Variants in TMCC1 observed in about 807,000 individuals in gnomAD.
TMCC1 encodes the protein transmembrane and coiled-coil domain family 1.
TMCC1 carries 15 observed loss-of-function variants against 52.4 expected under a neutral mutation model. That is an observed-to-expected ratio of 0.29 (90% CI 0.19 to 0.44). The LOEUF (loss-of-function observed/expected upper bound fraction) is 0.44, where lower values mean the gene tolerates loss of function less well. Among genes scored for constraint, TMCC1 ranks in the 20% least tolerant of loss-of-function variants. The probability of loss-of-function intolerance (pLI) is 1.00; values close to 1 mark genes in which losing one functional copy is unlikely to be tolerated. For missense variants in TMCC1, 503 were observed against 806.0 expected, an observed-to-expected ratio of 0.62 and a Z score of 4.55; for synonymous variants, 279 against 301.9, an observed-to-expected ratio of 0.92 and a Z score of 0.79.
chr3:129,881,788 GA>G (rs1259902402), intron 1 of TMCC1, among the ~76,000 whole-genome samples: 1 of 152,128 alleles, frequency 6.6e-6, no homozygotes, highest in Non-Finnish European at 1.5e-5. Flanking sequence ...TGAATGTAAA[GA>G]CACAGAAATA....
intron 4 of TMCC1, among the ~76,000 whole-genome samples, chr3:129,711,171 A>AT (rs1390565040): frequency 1.3e-5 from 2 of 152,112 alleles, no homozygotes; most frequent in African/African-American, 4.8e-5. Context: ...GCCATGTTCA[A>AT]TTTTATATCC....
At chr3:129,774,114 C>T (rs758821472) in intron 4 of TMCC1, among the ~76,000 whole-genome samples, 1 of 152,072 alleles carries the variant, frequency 6.6e-6, no homozygotes, top group Non-Finnish European at 1.5e-5. Flanking sequence ...ACCAGGGCTC[C>T]TTGGAGAAAT....
intron 4 of TMCC1, among the ~76,000 whole-genome samples, chr3:129,712,225 CAAAT>C (rs1157318772): frequency 6.6e-6 from 1 of 151,996 alleles, no homozygotes; most frequent in Non-Finnish European, 1.5e-5. Context: ...CATTTGAAAA[CAAAT>C]AATCACTCTA....
At chr3:129,669,476 C>T (rs1222202470) in intron 5 of TMCC1, among the ~76,000 whole-genome samples, 2 of 151,672 alleles carry the variant, frequency 1.3e-5, no homozygotes, top group Admixed American at 6.6e-5. Context: ...CTCTTGTTGC[C>T]GAGGCTGGAA....
chr3:129,877,857 T>C (rs1245488644), intron 2 of TMCC1, among the ~76,000 whole-genome samples: 1 of 151,538 alleles, frequency 6.6e-6, no homozygotes, highest in Non-Finnish European at 1.5e-5. Flanking sequence ...CTTGATCTCC[T>C]GATCTCCTGA....
chr3:129,786,920 C>G (rs1321021072), intron 4 of TMCC1, among the ~76,000 whole-genome samples: 4 of 152,156 alleles, frequency 2.6e-5, no homozygotes, highest in Admixed American at 1.3e-4. Context: ...TCTTGCTATT[C>G]TCAAATCGGA....
intron 4 of TMCC1, among the ~76,000 whole-genome samples, chr3:129,715,573 T>C (rs981063371): frequency 6.6e-6 from 1 of 152,162 alleles, no homozygotes; most frequent in African/African-American, 2.4e-5. Context: ...CTCTATCTGC[T>C]CTGTGCTTGA....
intron 4 of TMCC1, among the ~76,000 whole-genome samples, chr3:129,709,946 G>C (rs569505175): frequency 5.9e-5 from 9 of 152,054 alleles, no homozygotes; most frequent in African/African-American, 1.2e-4. Flanking sequence ...CAGCACTTTG[G>C]GGGGCTGAGG....
At position 129,670,616 on chromosome 3, in the gene TMCC1, A is replaced by C. The variant is rs749866437; in HGVS notation, c.1225T>G (p.Ser409Ala). The change falls in exon 5 of 7, where the codon TCA becomes GCA. Residue 409 changes from serine (S) to alanine (A), a missense_variant. Transcript: ENST00000393238. ...TATTTTGGGCTAGACTGAAAGTTTG[A>C]AATCACTCCCAAAGCCTTCCCCGCA... ...DDAGKALGVISNFQSSPKYGS... is the reference protein window; with the variant it reads ...DDAGKALGVIANFQSSPKYGS... The C allele has an allele frequency of 2.5e-6, 4 of 1,614,198 alleles. No homozygotes were observed. The highest frequency in any genetic ancestry group is 3.3e-5 in the Admixed American group (2 of 60,028).
chr3:129,817,134 C>T (rs1392843015), intron 4 of TMCC1, among the ~76,000 whole-genome samples: 2 of 151,870 alleles, frequency 1.3e-5, no homozygotes, highest in Non-Finnish European at 2.9e-5. Context: ...ATCACATGAA[C>T]CCCCAAAATA....
At chr3:129,877,842 G>A (rs1452307282) in intron 2 of TMCC1, among the ~76,000 whole-genome samples, 2 of 151,720 alleles carry the variant, frequency 1.3e-5, no homozygotes, top group Non-Finnish European at 2.9e-5. Context: ...GTTAGCCAGG[G>A]TGATCTTGAT....
In TMCC1 at chr3:129,650,176, AT is replaced by A. The variant is rs1407970038; in HGVS notation, c.*1304del. 1.3e-5 allele frequency: 2 copies of A among 152,602 alleles called. No homozygotes were observed. Among genetic ancestry groups the A allele is most frequent in the African/African-American group, 4.8e-5 (2 of 41,436 alleles). The allele number at this position is 152,602 out of a possible 1,614,324, so 9.5% of individuals were successfully genotyped here. ...GGTTGTAATTAGGGGTGTTAACAAAATAAATTAAGGAAACACAAGGACTTAT... is the reference window on the plus strand; with the variant it reads ...GGTTGTAATTAGGGGTGTTAACAAAAAAATTAAGGAAACACAAGGACTTAT... On this transcript the variant is annotated 3_prime_UTR_variant, in exon 7 of 7. Coordinates refer to ENST00000393238, the MANE Select transcript of TMCC1 (RefSeq NM_001017395.5).
intron 4 of TMCC1, among the ~76,000 whole-genome samples, chr3:129,765,604 T>A (rs2054061121): frequency 6.6e-6 from 1 of 152,184 alleles, no homozygotes; most frequent in African/African-American, 2.4e-5. Flanking sequence ...TAATTTCTTA[T>A]AATTTAGTAA....
At chr3:129,839,158 A>T (rs1300106431) in intron 2 of TMCC1, among the ~76,000 whole-genome samples, 3 of 152,150 alleles carry the variant, frequency 2.0e-5, no homozygotes, top group African/African-American at 7.2e-5. Context: ...GTAAAGTATA[A>T]TTTTTTTATT....
chr3:129,661,678 C>A (rs949561229), intron 5 of TMCC1, among the ~76,000 whole-genome samples: 4 of 152,086 alleles, frequency 2.6e-5, no homozygotes, highest in Admixed American at 2.6e-4. Context: ...TGGCATGTGC[C>A]TGTAATCCCA....
intron 2 of TMCC1, among the ~76,000 whole-genome samples, chr3:129,867,761 T>C (rs544515600): frequency 5.9e-5 from 9 of 152,106 alleles, no homozygotes; most frequent in African/African-American, 9.7e-5. Flanking sequence ...TTTAAGGCCA[T>C]AGTAGAAATA....
intron 4 of TMCC1, among the ~76,000 whole-genome samples, chr3:129,746,345 A>ATT (rs66466206): frequency 2.8e-5 from 4 of 144,958 alleles, no homozygotes; most frequent in Non-Finnish European, 6.0e-5. Context: ...TCATTTTTGT[A>ATT]TTTTTTTTTT....
At chr3:129,714,789 T>C (rs1001491592) in intron 4 of TMCC1, among the ~76,000 whole-genome samples, 1 of 152,238 alleles carries the variant, frequency 6.6e-6, no homozygotes, top group African/African-American at 2.4e-5. Context: ...AAGTTTCCAC[T>C]GAACATAAAA....
At chr3:129,696,587 A>G (rs987339092) in intron 4 of TMCC1, among the ~76,000 whole-genome samples, 1 of 152,232 alleles carries the variant, frequency 6.6e-6, no homozygotes, top group Non-Finnish European at 1.5e-5. Context: ...ACAGTCCCCG[A>G]AAGTCTTAGC....
Sources: gnomAD v4.1 joint callset for allele counts (sites outside exome capture counted in the v4.1 genomes callset) on GRCh38, gnomAD v4.1.1 for gene constraint, MANE v1.5 for transcripts, NCBI Gene and HGNC (gene_info 2026-07-23, HGNC 2026-07-21) for gene names.